Variants in CDH12 observed in about 807,000 individuals in gnomAD.
The protein encoded by CDH12 is cadherin-12.
In CDH12, 41 loss-of-function variants were observed where a neutral mutation model predicts 74.1. The observed-to-expected ratio is 0.55, with a 90% CI of 0.43 to 0.72. CDH12 has a LOEUF of 0.72. Ranked by LOEUF, CDH12 falls within the 30% of genes least tolerant of loss-of-function variation. CDH12 has a pLI of 0.00. For synonymous variants in CDH12, 399 were observed against 355.0 expected, an observed-to-expected ratio of 1.12 and a Z score of -1.39; for missense variants, 945 against 977.2, an observed-to-expected ratio of 0.97 and a Z score of 0.44.
At chr5:22,693,351 A>C (rs1360140114) in intron 1 of CDH12, among the ~76,000 whole-genome samples, 1 of 152,188 alleles carries the variant, frequency 6.6e-6, no homozygotes, top group Non-Finnish European at 1.5e-5. Context: ...CTGCCTTGGC[A>C]GCTTGTGAGA....
intron 2 of CDH12, among the ~76,000 whole-genome samples, chr5:22,450,706 C>T (rs926880977): frequency 6.6e-6 from 1 of 151,840 alleles, no homozygotes; most frequent in Non-Finnish European, 1.5e-5. Flanking sequence ...TGTCTTTCCT[C>T]TGCTTCAAAT....
At chr5:22,276,697 A>G (rs946910339) in intron 3 of CDH12, among the ~76,000 whole-genome samples, 1 of 152,012 alleles carries the variant, frequency 6.6e-6, no homozygotes, top group African/African-American at 2.4e-5. Context: ...ATTTCATTTT[A>G]TTTTTTTGAG....
At chr5:21,946,560 T>C (rs1299719544) in intron 6 of CDH12, among the ~76,000 whole-genome samples, 1 of 152,164 alleles carries the variant, frequency 6.6e-6, no homozygotes, top group Non-Finnish European at 1.5e-5. Context: ...CAGTAGATCT[T>C]GACATTACAC....
intron 1 of CDH12, among the ~76,000 whole-genome samples, chr5:22,655,938 A>C (rs1269885389): frequency 6.6e-6 from 1 of 152,222 alleles, no homozygotes; most frequent in Non-Finnish European, 1.5e-5. Flanking sequence ...GGAGACACAG[A>C]GCATCACTTT....
chr5:22,073,230 A>G (rs1580205686), intron 5 of CDH12, among the ~76,000 whole-genome samples: 1 of 152,142 alleles, frequency 6.6e-6, no homozygotes, highest in Non-Finnish European at 1.5e-5. Context: ...GGGTTTATAT[A>G]TGTTTTACTT....
intron 14 of CDH12, among the ~76,000 whole-genome samples, chr5:21,754,646 C>T (rs1744283335): frequency 6.6e-6 from 1 of 152,054 alleles, no homozygotes; most frequent in African/African-American, 2.4e-5. Flanking sequence ...TTACTCCGTG[C>T]CTTTCATCTC....
chr5:22,283,231 T>TATATATATATAG (rs1245764634), intron 3 of CDH12, among the ~76,000 whole-genome samples: 57 of 24,036 alleles, frequency 2.4e-3, no homozygotes, highest in African/African-American at 6.6e-3. Context: ...TATATATATA[T>TATATATATATAG]ATATATATAT....
At chr5:22,275,454 G>C (rs551558146) in intron 3 of CDH12, among the ~76,000 whole-genome samples, 4 of 152,078 alleles carry the variant, frequency 2.6e-5, no homozygotes, top group African/African-American at 7.2e-5. Context: ...AAAATGAAAC[G>C]GGTGCTTTTC....
At chr5:22,399,374 A>G (rs1374958486) in intron 3 of CDH12, among the ~76,000 whole-genome samples, 2 of 152,146 alleles carry the variant, frequency 1.3e-5, no homozygotes, top group African/African-American at 4.8e-5. Flanking sequence ...GTATTGAAAA[A>G]ATAAAAACAA....
intron 13 of CDH12, among the ~76,000 whole-genome samples, chr5:21,758,061 A>T (rs80225037): frequency 6.6e-6 from 1 of 152,096 alleles, no homozygotes; most frequent in African/African-American, 2.4e-5. Flanking sequence ...TCTTGCTTAA[A>T]CCTTTCAAAG....
intron 4 of CDH12, among the ~76,000 whole-genome samples, chr5:22,187,257 A>G (rs980390068): frequency 2.0e-5 from 3 of 152,146 alleles, no homozygotes; most frequent in African/African-American, 7.2e-5. Context: ...GAGGGAAGAC[A>G]CTTATCATCT....
rs534552889 is a variant in CDH12 at position 22,724,844 on chromosome 5, T to C, written c.-523+128214A>G. ...ATGGCTGTGAATATACTGGAATAAATATCTTGTTACTAAGTTAATAACTTT... is the reference window on the plus strand; with the variant it reads ...ATGGCTGTGAATATACTGGAATAAACATCTTGTTACTAAGTTAATAACTTT... On this transcript the variant is annotated intron_variant, in intron 1 of 14. Coordinates refer to ENST00000382254, the MANE Select transcript of CDH12 (RefSeq NM_004061.5). Among the ~76,000 whole-genome samples the C allele has an allele frequency of 6.0e-4, 91 of 152,022 alleles. 1 individual carries two copies. Among genetic ancestry groups the C allele is most frequent in the African/African-American group, 2.2e-3 (90 of 41,546 alleles).
intron 1 of CDH12, among the ~76,000 whole-genome samples, chr5:22,510,015 TA>T (rs752589545): frequency 5.9e-4 from 87 of 146,688 alleles, no homozygotes; most frequent in East Asian, 3.6e-3. Context: ...GGAAAAAATT[TA>T]AAAAAAAAAA....
chr5:22,027,701 C>G (rs2150168797), intron 5 of CDH12, among the ~76,000 whole-genome samples: 1 of 151,730 alleles, frequency 6.6e-6, no homozygotes, highest in Non-Finnish European at 1.5e-5. Context: ...TGATTCTTCT[C>G]TCTTTTTTTC....
intron 7 of CDH12, among the ~76,000 whole-genome samples, chr5:21,849,352 A>T (rs2149995081): frequency 6.6e-6 from 1 of 151,954 alleles, no homozygotes; most frequent in Admixed American, 6.6e-5. Context: ...AGCAAATGGA[A>T]CTCACCCAGA....
At chr5:22,178,009 A>G (rs1749434887) in intron 4 of CDH12, among the ~76,000 whole-genome samples, 1 of 152,200 alleles carries the variant, frequency 6.6e-6, no homozygotes, top group Non-Finnish European at 1.5e-5. Flanking sequence ...AAAGAAACAG[A>G]AAGTAACATG....
intron 5 of CDH12, among the ~76,000 whole-genome samples, chr5:21,985,806 A>G (rs1757492971): frequency 1.3e-5 from 2 of 152,160 alleles, no homozygotes; most frequent in African/African-American, 4.8e-5. Context: ...TATATTCACT[A>G]CAAAGCCATT....
chr5:22,356,046 T>C (rs1403429545), intron 3 of CDH12, among the ~76,000 whole-genome samples: 1 of 152,080 alleles, frequency 6.6e-6, no homozygotes, highest in Non-Finnish European at 1.5e-5. Context: ...AAATATAAAA[T>C]AGAAGCAGTT....
intron 5 of CDH12, among the ~76,000 whole-genome samples, chr5:21,984,089 A>T (rs1757418826): frequency 6.6e-6 from 1 of 151,982 alleles, no homozygotes; most frequent in Admixed American, 6.6e-5. Context: ...ATACCTGATA[A>T]CTCTGAGTTT....
Sources: gnomAD v4.1 joint callset for allele counts (sites outside exome capture counted in the v4.1 genomes callset) on GRCh38, gnomAD v4.1.1 for gene constraint, MANE v1.5 for transcripts, NCBI Gene and HGNC (gene_info 2026-07-23, HGNC 2026-07-21) for gene names.